PPM1A: variants seen among roughly 807,000 people sequenced by gnomAD.
The protein encoded by PPM1A is protein phosphatase, Mg2+/Mn2+ dependent 1A, also known as protein phosphatase 1A.
PPM1A carries 7 observed loss-of-function variants against 35.0 expected under a neutral mutation model. That is an observed-to-expected ratio of 0.20 (90% CI 0.11 to 0.38). The LOEUF is 0.38. PPM1A is among the 10% of genes least tolerant of loss of function. The pLI is 1.00. For missense variants in PPM1A, 239 were observed against 467.8 expected, an observed-to-expected ratio of 0.51 and a Z score of 4.51; for synonymous variants, 153 against 167.3, an observed-to-expected ratio of 0.91 and a Z score of 0.66.
At position 60,296,515 on chromosome 14, in the gene PPM1A, C is replaced by T. The variant is rs1268603145; in HGVS notation, c.*4033C>T. ...TTTTATATACTTTTGCTCACAGAAA[C>T]TGCTGGTGAGATTACCATTTTTTGA... On this transcript the variant is annotated 3_prime_UTR_variant, in exon 6 of 6. Coordinates refer to ENST00000395076, the MANE Select transcript of PPM1A (RefSeq NM_021003.5). This position sits in a 1 kb window ranked among gnomAD's most constrained non-coding sequence, Gnocchi z 4.4. The T allele has an allele frequency of 3.3e-6, 1 of 299,044 alleles. No individual in the cohort carries two copies. The highest frequency in any genetic ancestry group is 6.2e-6 in the Non-Finnish European group (1 of 162,112). 18.5% of individuals were successfully genotyped at this position (299,044 alleles called of 1,614,324 possible). A position where few individuals can be genotyped will look rare whatever the true frequency, so the allele number is the denominator to read the frequency against.
At chr14:60,277,767 G>A (rs1335784213) in intron 1 of PPM1A, among the ~76,000 whole-genome samples, 2 of 152,192 alleles carry the variant, frequency 1.3e-5, no homozygotes, top group African/African-American at 4.8e-5. Flanking sequence ...GCCAGGCTCT[G>A]TATGGGTGCC....
upstream of PPM1A, chr14:60,246,029 G>C (rs757715092): frequency 1.9e-6 from 3 of 1,573,074 alleles, no homozygotes; most frequent in South Asian, 1.2e-5. Context: ...ATGTGTGAGA[G>C]AAAAAAATAT....
At chr14:60,260,383 G>A (rs1374666564) in intron 1 of PPM1A, among the ~76,000 whole-genome samples, 1 of 151,930 alleles carries the variant, frequency 6.6e-6, no homozygotes, top group African/African-American at 2.4e-5. Context: ...GAAATTTTCA[G>A]GTAACTTTTT....
intron 1 of PPM1A, among the ~76,000 whole-genome samples, chr14:60,261,974 T>G (rs1172339188): frequency 6.6e-6 from 1 of 152,206 alleles, no homozygotes; most frequent in African/African-American, 2.4e-5. Context: ...CTAGGATGAT[T>G]ATATATTTTA....
chr14:60,284,796 G>T (rs973424682), intron 2 of PPM1A, among the ~76,000 whole-genome samples: 8 of 150,628 alleles, frequency 5.3e-5, no homozygotes, highest in African/African-American at 1.7e-4. Flanking sequence ...TATAAATGAC[G>T]TGTACAGGGT....
At chr14:60,264,355 T>C (rs1884131081) in intron 1 of PPM1A, among the ~76,000 whole-genome samples, 1 of 152,086 alleles carries the variant, frequency 6.6e-6, no homozygotes, top group African/African-American at 2.4e-5. Context: ...TTTTAAAAGA[T>C]TTCTTTTCTT....
At chr14:60,262,528 T>A (rs920398437) in intron 1 of PPM1A, among the ~76,000 whole-genome samples, 2 of 151,998 alleles carry the variant, frequency 1.3e-5, no homozygotes, top group African/African-American at 2.4e-5. Context: ...TACAAAAAAA[T>A]TTTTAAAATT....
intron 4 of PPM1A, among the ~76,000 whole-genome samples, chr14:60,291,149 A>C (rs941884176): frequency 2.6e-5 from 4 of 152,042 alleles, no homozygotes; most frequent in African/African-American, 9.7e-5. Context: ...TTTAATCTGT[A>C]ATTTTTAGCC....
At chr14:60,267,401 G>A (rs1884518818) in intron 1 of PPM1A, 1 of 152,114 alleles carries the variant, frequency 6.6e-6, no homozygotes, top group African/African-American at 2.4e-5. Flanking sequence ...TTAGTCAGCT[G>A]CCTAATGTTG....
intron 3 of PPM1A, chr14:60,288,591 G>GT (rs529266794): frequency 0.14 from 92,801 of 685,102 alleles, 3 homozygotes; most frequent in Non-Finnish European, 0.15. Context: ...ATTTAAGACT[G>GT]TTTTTTTTTT....
intron 1 of PPM1A, among the ~76,000 whole-genome samples, chr14:60,271,944 T>A (rs770103954): frequency 2.6e-4 from 40 of 152,180 alleles, no homozygotes; most frequent in Non-Finnish European, 2.9e-4. Context: ...TATTTATTGA[T>A]GAGGAAAGTT....
chr14:60,288,040 T>C, intron 3 of PPM1A: 2 of 980,430 alleles, frequency 2.0e-6, no homozygotes, highest in Middle Eastern at 5.2e-4. Context: ...CAACAGAAAT[T>C]AAAGGAATAT....
intron 1 of PPM1A, among the ~76,000 whole-genome samples, chr14:60,276,692 T>G (rs946302594): frequency 1.3e-5 from 2 of 152,188 alleles, no homozygotes; most frequent in Non-Finnish European, 2.9e-5. Context: ...TCTGCTCAAA[T>G]TGTCAGTTGA....
chr14:60,287,230 T>C (rs1159315001), intron 3 of PPM1A: 1 of 955,636 alleles, frequency 1.0e-6, no homozygotes, highest in Non-Finnish European at 1.2e-6. Flanking sequence ...AAATATTCAC[T>C]TTACGTTATT....
intron 1 of PPM1A, among the ~76,000 whole-genome samples, chr14:60,274,917 A>C: frequency 6.6e-6 from 1 of 152,034 alleles, no homozygotes; most frequent in East Asian, 1.9e-4. Flanking sequence ...TTAAAAAAAA[A>C]GTCATCTTAT....
intron 3 of PPM1A, 156 bp downstream of exon 3, chr14:60,285,897 A>G: frequency 7.1e-7 from 1 of 1,406,346 alleles, no homozygotes; most frequent in Admixed American, 3.1e-5. Flanking sequence ...AGCTGTTAAG[A>G]TGTATGCAGT....
intron 1 of PPM1A, among the ~76,000 whole-genome samples, chr14:60,275,979 AT>A (rs1885710995): frequency 6.6e-6 from 1 of 151,996 alleles, no homozygotes; most frequent in Admixed American, 6.6e-5. Flanking sequence ...AGCTTGGGAA[AT>A]TAAGTGTAGT....
At chr14:60,287,935 T>C (rs921337221) in intron 3 of PPM1A, 33 of 985,194 alleles carry the variant, frequency 3.3e-5, no homozygotes, top group Admixed American at 1.8e-4. Flanking sequence ...AGAATGTGTT[T>C]GTGTATATGT....
At position 60,273,867 on chromosome 14, in the gene PPM1A, A is replaced by G. The variant is rs1031496267; in HGVS notation, c.-20-8817A>G. ...TCTTTTTCTGAGTTGGGGTCTTGCT[A>G]TATTGCCTAGGCTGGTCTTGAACTC... On this transcript the variant is annotated intron_variant, in intron 1 of 5. Coordinates refer to ENST00000395076, the MANE Select transcript of PPM1A (RefSeq NM_021003.5). The surrounding 1 kb of genome is among the most constrained non-coding windows in gnomAD (Gnocchi z 4.3). 1.1e-4 allele frequency among the ~76,000 whole-genome samples: 17 copies of G among 152,136 alleles called. No individual in the cohort carries two copies. Among genetic ancestry groups the G allele is most frequent in the African/African-American group, 3.6e-4 (15 of 41,424 alleles).
Sources: allele counts gnomAD v4.1 joint callset (sites outside exome capture counted in the v4.1 genomes callset), GRCh38; gene constraint gnomAD v4.1.1; non-coding constraint Gnocchi (gnomAD v3.1); transcripts MANE v1.5; gene names NCBI Gene and HGNC (gene_info 2026-07-23, HGNC 2026-07-21).